Variants in ZFHX4 observed in about 807,000 individuals in gnomAD.
ZFHX4 encodes zinc finger homeobox 4.
In ZFHX4, 56 loss-of-function variants were observed where a neutral mutation model predicts 267.6. The observed-to-expected ratio is 0.21, with a 90% confidence interval of 0.17 to 0.26. The LOEUF is 0.26. Ranked by LOEUF, ZFHX4 falls within the 10% of genes least tolerant of loss-of-function variation. The pLI is 1.00. For missense variants in ZFHX4, 4,332 were observed against 4,420.0 expected (o/e 0.98, Z 0.56); for synonymous variants, 1,778 against 1,665.6 (o/e 1.07, Z -1.64).
intron 3 of ZFHX4, among the ~76,000 whole-genome samples, chr8:76,768,287 T>C (rs1022229745): frequency 6.6e-6 from 1 of 152,180 alleles, no homozygotes; most frequent in African/African-American, 2.4e-5. Flanking sequence ...AAATTCTTGG[T>C]AGGCATTGGG....
At chr8:76,721,299 T>G (rs948158555) in intron 3 of ZFHX4, among the ~76,000 whole-genome samples, 1 of 152,208 alleles carries the variant, frequency 6.6e-6, no homozygotes, top group African/African-American at 2.4e-5. Flanking sequence ...CTGAATTTGC[T>G]ATATTTGTAG....
chr8:76,817,733 G>T (rs1811543515), intron 4 of ZFHX4, among the ~76,000 whole-genome samples: 1 of 152,184 alleles, frequency 6.6e-6, no homozygotes, highest in African/African-American at 2.4e-5. Flanking sequence ...TGAAGAACTT[G>T]TCTCCCTCTT....
Position 76,855,381 on chromosome 8 carries a change from C to T in ZFHX4, c.8460C>T (p.Asn2820=), listed in dbSNP as rs1303172378. ...ISDATTGDEG[N]TEMESTTGSS... is the part of the protein sequence containing the mutation. ...ACGCCACCACCGGAGACGAGGGAAA[C>T]ACTGAAATGGAAAGCACCACAGGAA... The change falls in exon 10 of 11, where the codon AAC becomes AAT. Residue 2820 remains asparagine, a synonymous_variant. Transcript: ENST00000651372. The T allele has an allele frequency of 6.2e-7, 1 of 1,613,732 alleles. No individual in the cohort carries two copies. The highest frequency in any genetic ancestry group is 8.5e-7 in the Non-Finnish European group (1 of 1,179,834).
chr8:76,715,075 G>A (rs186903283), intron 3 of ZFHX4, among the ~76,000 whole-genome samples: 7 of 152,270 alleles, frequency 4.6e-5, no homozygotes, highest in Admixed American at 2.0e-4. Context: ...TTTAGACAAC[G>A]ATTATGGTGG....
chr8:76,863,987 T>C lies in ZFHX4; in HGVS notation c.10273T>C (p.Phe3425Leu), dbSNP rs1420254512. ...CGCCGCAGTAAATCATCAAAAGTCC[T>C]TCTGTTATTTCGGTCAGCCTTTGAT... ...EDAAVNHQKS[F>L]CYFGQPLIDP... is the part of the protein sequence containing the mutation. Residue 3425 changes from phenylalanine (F) to leucine (L), a missense_variant, in exon 11 of 11, where the codon TTC (phenylalanine) becomes CTC (leucine). Physicochemically the swap from Phe to Leu is conservative, Grantham distance 22. Around this residue, in one of 7 missense-constraint regions of ZFHX4, gnomAD observed 1,648 missense variants for 1,625.0 expected, o/e 1.01. Coordinates refer to ENST00000651372, the MANE Select transcript of ZFHX4 (RefSeq NM_024721.5). The C allele has an allele frequency of 6.2e-7, 1 of 1,613,616 alleles. No homozygotes were observed. The highest frequency in any genetic ancestry group is 1.3e-5 in the African/African-American group (1 of 75,054).
At chr8:76,718,480 G>GA (rs1808635494) in intron 3 of ZFHX4, among the ~76,000 whole-genome samples, 1 of 152,042 alleles carries the variant, frequency 6.6e-6, no homozygotes, top group Non-Finnish European at 1.5e-5. Context: ...CATTTGGATG[G>GA]AATAGAAGTA....
At chr8:76,862,956 A>C in intron 10 of ZFHX4, 138 bp from the exon 11 acceptor site, 2 of 1,269,042 alleles carry the variant, frequency 1.6e-6, no homozygotes, top group South Asian at 4.6e-5. Flanking sequence ...GGTGGTGATC[A>C]TGAATTTCCT....
Position 76,848,948 on chromosome 8 carries a change from G to A in ZFHX4, c.3512-47G>A, listed in dbSNP as rs555056759. ...TGAAAAACATAATTTTTCTCATTTCGGAATTGTGTTTTTAAATTGAATTGT... is the reference window on the plus strand; with the variant it reads ...TGAAAAACATAATTTTTCTCATTTCAGAATTGTGTTTTTAAATTGAATTGT... On this transcript the variant is annotated intron_variant, in intron 6 of 10. Transcript: ENST00000651372. The A allele has an allele frequency of 7.6e-6, 11 of 1,438,188 alleles. No homozygotes were observed. The South Asian group carries it at 9.0e-5, about 12-fold the overall frequency. The allele number at this position is 1,438,188 out of a possible 1,614,324, so 89.1% of individuals were successfully genotyped here.
intron 4 of ZFHX4, among the ~76,000 whole-genome samples, chr8:76,796,457 A>G (rs1223368783): frequency 6.6e-6 from 1 of 152,196 alleles, no homozygotes; most frequent in Non-Finnish European, 1.5e-5. Flanking sequence ...TATTACAGAT[A>G]CAAATTGTCT....
intron 1 of ZFHX4, among the ~76,000 whole-genome samples, chr8:76,699,472 A>T (rs1231747576): frequency 6.6e-6 from 1 of 152,132 alleles, no homozygotes; most frequent in Non-Finnish European, 1.5e-5. Context: ...TTAAAGAGAA[A>T]CACTAGCACC....
At position 76,781,547 on chromosome 8, in the gene ZFHX4, T is replaced by TAG. The variant is rs1810547571; in HGVS notation, c.3325+3108_3325+3109insAG. Among the ~76,000 whole-genome samples, 3 of 152,200 alleles carry TAG rather than the reference T, an allele frequency of 2.0e-5. No individual in the cohort carries two copies. The East Asian group carries it at 5.8e-4, about 29-fold the overall frequency. On this transcript the variant is annotated intron_variant, in intron 4 of 10. Coordinates refer to ENST00000651372, the MANE Select transcript of ZFHX4 (RefSeq NM_024721.5). ...GGTTCTTAAACTGGGTTTCTTAACTTTTCATTTGATTTTGTTGGCATTGTG... is the reference window on the plus strand; with the variant it reads ...GGTTCTTAAACTGGGTTTCTTAACTTAGTTCATTTGATTTTGTTGGCATTGTG...
At chr8:76,764,487 C>G (rs1048698606) in intron 3 of ZFHX4, among the ~76,000 whole-genome samples, 2 of 152,010 alleles carry the variant, frequency 1.3e-5, no homozygotes, top group African/African-American at 4.8e-5. Context: ...ACATGCTTAC[C>G]AAGGAAAGCC....
At chr8:76,794,873 T>TTG (rs71277761) in intron 4 of ZFHX4, among the ~76,000 whole-genome samples, 11,530 of 143,050 alleles carry the variant, frequency 0.081, 504 homozygotes, top group East Asian at 0.24. Flanking sequence ...TGGCCTGTCA[T>TTG]TGTGTGTGTG....
Position 76,849,720 on chromosome 8 carries a change from T to TA in ZFHX4, c.3846+9dup. On this transcript the variant is annotated intron_variant, in intron 8 of 10. Coordinates refer to ENST00000651372, the MANE Select transcript of ZFHX4 (RefSeq NM_024721.5). Reference sequence around the variant, plus strand: ...GAGAAGCTGCTTATGACAGTAAGGATACCAAATATTGATGCATGTGTGACA... The same window carrying TA: ...GAGAAGCTGCTTATGACAGTAAGGATAACCAAATATTGATGCATGTGTGACA... The TA allele has an allele frequency of 6.2e-7, 1 of 1,609,658 alleles. No homozygotes were observed. The highest frequency in any genetic ancestry group is 8.5e-7 in the Non-Finnish European group (1 of 1,176,420).
At chr8:76,791,629 A>G (rs542657953) in intron 4 of ZFHX4, among the ~76,000 whole-genome samples, 6 of 152,272 alleles carry the variant, frequency 3.9e-5, no homozygotes, top group African/African-American at 1.2e-4. Context: ...AGAGTAAGGA[A>G]GAAAAATCGC....
chr8:76,710,199 A>G (rs183289376), intron 3 of ZFHX4, among the ~76,000 whole-genome samples: 2 of 152,334 alleles, frequency 1.3e-5, no homozygotes, highest in African/African-American at 4.8e-5. Flanking sequence ...GATTGAAGAG[A>G]TAAATATTTG....
chr8:76,852,317 A>C lies in ZFHX4; in HGVS notation c.5396A>C (p.Gln1799Pro). The C allele has an allele frequency of 1.3e-6, 2 of 1,555,510 alleles. No homozygotes were observed. The highest frequency in any genetic ancestry group is 1.7e-6 in the Non-Finnish European group (2 of 1,148,902). ...GQTQLQILQQQAQQYQATQPQ... is the reference protein window; with the variant it reads ...GQTQLQILQQPAQQYQATQPQ... Reference sequence around the variant, plus strand: ...ACTCAACTCCAGATACTACAGCAACAAGCACAACAATACCAAGCCACACAG... The same window carrying C: ...ACTCAACTCCAGATACTACAGCAACCAGCACAACAATACCAAGCCACACAG... Residue 1799 changes from glutamine to proline, a missense_variant, in exon 10 of 11, where the codon CAA (glutamine) becomes CCA (proline). Physicochemically the swap from Gln to Pro is moderately conservative, Grantham distance 76. This residue lies in a region of ZFHX4 where 1,371 missense variants were observed against 1,423.1 expected (regional missense o/e 0.96). Coordinates refer to ENST00000651372, the MANE Select transcript of ZFHX4 (RefSeq NM_024721.5).
intron 3 of ZFHX4, among the ~76,000 whole-genome samples, chr8:76,740,698 C>G (rs1388985515): frequency 6.6e-6 from 1 of 152,076 alleles, no homozygotes; most frequent in Non-Finnish European, 1.5e-5. Context: ...AGAAGAGTTA[C>G]AAGTTATTAA....
At chr8:76,773,972 T>G (rs927614207) in intron 3 of ZFHX4, among the ~76,000 whole-genome samples, 1 of 152,124 alleles carries the variant, frequency 6.6e-6, no homozygotes, top group Non-Finnish European at 1.5e-5. Flanking sequence ...AACTAAGAAT[T>G]CTGTCCTCCT....
Sources: allele counts gnomAD v4.1 joint callset (sites outside exome capture counted in the v4.1 genomes callset), GRCh38; gene constraint gnomAD v4.1.1; regional missense constraint gnomAD v4.1.1; transcripts MANE v1.5; gene names NCBI Gene and HGNC (gene_info 2026-07-23, HGNC 2026-07-21).